Variants in PTRH2 observed in about 807,000 individuals in gnomAD.
The protein encoded by PTRH2 is peptidyl-tRNA hydrolase 2.
In PTRH2, 10 loss-of-function variants were observed where a neutral mutation model predicts 12.3. The observed-to-expected ratio is 0.81, with a 90% CI of 0.50 to 1.38. The LOEUF (loss-of-function observed/expected upper bound fraction) is 1.38. Among genes scored for constraint, PTRH2 ranks in the 40% most tolerant of loss-of-function variants. The probability of loss-of-function intolerance (pLI) is 0.00; values close to 1 mark genes in which losing one functional copy is unlikely to be tolerated. For missense variants in PTRH2, 176 were observed against 214.1 expected (o/e 0.82, Z 1.11); for synonymous variants, 73 against 77.4 (o/e 0.94, Z 0.30).
Position 59,697,308 on chromosome 17 carries a change from G to T in PTRH2, c.*131C>A. 9.0e-7 allele frequency: 1 copy of T among 1,116,478 alleles called. No individual in the cohort carries two copies. The highest frequency in any genetic ancestry group is 1.3e-6 in the Non-Finnish European group (1 of 798,214). The allele number at this position is 1,116,478 out of a possible 1,614,324, so 69.2% of individuals were successfully genotyped here. A position where few individuals can be genotyped will look rare whatever the true frequency, so the allele number is the denominator to read the frequency against. The stretch of plus-strand genomic sequence containing the variant: ...CCCAAGATGACAACTGCCAACCATA[G>T]AACATGGGAATAGGTTTTATTTTCA... On this transcript the variant is annotated 3_prime_UTR_variant, in exon 2 of 2. Transcript: ENST00000393038.
intron 1 of PTRH2, among the ~76,000 whole-genome samples, chr17:59,702,567 A>G (rs753301389): frequency 6.6e-6 from 1 of 152,210 alleles, no homozygotes; most frequent in Non-Finnish European, 1.5e-5. Context: ...TCTAAAAGAT[A>G]CCTGAGCCTT....
At chr17:59,705,815 T>C (rs894617171) in intron 1 of PTRH2, among the ~76,000 whole-genome samples, 3 of 150,566 alleles carry the variant, frequency 2.0e-5, no homozygotes, top group African/African-American at 2.5e-5. Flanking sequence ...GGGGATAAGG[T>C]AGGAGGACAC....
At chr17:59,705,553 G>A (rs905931638) in intron 1 of PTRH2, among the ~76,000 whole-genome samples, 2 of 152,068 alleles carry the variant, frequency 1.3e-5, no homozygotes, top group East Asian at 1.9e-4. Context: ...CCAAGTAGAT[G>A]GGACTACAGG....
At chr17:59,706,252 A>G (rs1268931747) in intron 1 of PTRH2, among the ~76,000 whole-genome samples, 2 of 152,144 alleles carry the variant, frequency 1.3e-5, no homozygotes, top group Non-Finnish European at 2.9e-5. Flanking sequence ...ATCCTATAAA[A>G]TCTTCTTCTT....
intron 1 of PTRH2, chr17:59,699,000 T>TA: frequency 1.5e-6 from 1 of 666,056 alleles, no homozygotes; most frequent in Non-Finnish European, 2.8e-6. Flanking sequence ...ACATCGAGAA[T>TA]AGGTGGTAGA....
intron 1 of PTRH2, among the ~76,000 whole-genome samples, chr17:59,705,514 G>T (rs1386966806): frequency 6.6e-6 from 1 of 151,934 alleles, no homozygotes; most frequent in Non-Finnish European, 1.5e-5. Context: ...CAAACTCCTG[G>T]GCTTAAGCAA....
At chr17:59,698,895 C>T (rs1405151091) in intron 1 of PTRH2, 2 of 716,088 alleles carry the variant, frequency 2.8e-6, no homozygotes, top group Non-Finnish European at 5.2e-6. Context: ...GCTGAAAGCA[C>T]AGTGGTCCTG....
At position 59,706,137 on chromosome 17, in the gene PTRH2, G is replaced by A. The variant is rs569334568; in HGVS notation, c.-1+1234C>T. Among the ~76,000 whole-genome samples, 15 of 152,138 alleles carry A rather than the reference G, an allele frequency of 9.9e-5. No homozygotes were observed. In the East Asian group the frequency reaches 1.7e-3, roughly 18 times the overall value. ...TCTGTCTCTTTTTCTGTACACTTAC[G>A]ACAAGCGTATCAATAAGCCTAGTGC... On this transcript the variant is annotated intron_variant, in intron 1 of 1. Transcript: ENST00000393038.
At position 59,706,947 on chromosome 17, in the gene PTRH2, A is replaced by G. The variant is rs371446691; in HGVS notation, c.-1+424T>C. On this transcript the variant is annotated intron_variant, in intron 1 of 1. Coordinates refer to ENST00000393038, the MANE Select transcript of PTRH2 (RefSeq NM_016077.5). ...ATCAGCCTCCCAAAGTGCTGGGATT[A>G]CAGGCGTCAGCCACCGCGCCCGGCC... 7.2e-5 allele frequency among the ~76,000 whole-genome samples: 11 copies of G among 152,208 alleles called. No individual in the cohort carries two copies. In the South Asian group the frequency reaches 1.9e-3, roughly 26 times the overall value.
intron 1 of PTRH2, chr17:59,700,094 TAC>T (rs1292122032): frequency 2.0e-5 from 3 of 152,226 alleles, no homozygotes; most frequent in Admixed American, 1.3e-4. Context: ...AAACTCGAAG[TAC>T]AGTTTCTACT....
chr17:59,700,227 T>C (rs1172633054), intron 1 of PTRH2: 2 of 152,238 alleles, frequency 1.3e-5, no homozygotes, highest in Non-Finnish European at 2.9e-5. Flanking sequence ...TTTATTATTT[T>C]AGAAAATCTT....
At chr17:59,705,903 T>C (rs1393015689) in intron 1 of PTRH2, among the ~76,000 whole-genome samples, 1 of 147,616 alleles carries the variant, frequency 6.8e-6, no homozygotes, top group Non-Finnish European at 1.5e-5. Context: ...TGCAAAACCC[T>C]GTCTCCAAAA....
At chr17:59,701,833 C>A (rs1347032776) in intron 1 of PTRH2, among the ~76,000 whole-genome samples, 1 of 151,606 alleles carries the variant, frequency 6.6e-6, no homozygotes, top group Non-Finnish European at 1.5e-5. Context: ...AGCCTCCCTA[C>A]AGGCACCCAC....
chr17:59,697,405 G>C lies in PTRH2; in HGVS notation c.*34C>G, dbSNP rs769411971. 3.2e-6 allele frequency: 5 copies of C among 1,564,586 alleles called. No individual in the cohort carries two copies. In the East Asian group the frequency reaches 1.1e-4, roughly 35 times the overall value. On this transcript the variant is annotated 3_prime_UTR_variant, in exon 2 of 2. Coordinates refer to ENST00000393038, the MANE Select transcript of PTRH2 (RefSeq NM_016077.5). ...AGAATCTGACAGGCTTCAAACACTT[G>C]TGATGGAGGGGTTGTTGTCATATCA... is the stretch of plus-strand genomic sequence containing the variant.
intron 1 of PTRH2, among the ~76,000 whole-genome samples, chr17:59,703,836 T>C (rs1286453639): frequency 8.2e-6 from 1 of 121,540 alleles, no homozygotes; most frequent in African/African-American, 3.2e-5. Flanking sequence ...GGAGACGGAG[T>C]CTCACTCTAT....
chr17:59,703,112 T>G (rs1179050203), intron 1 of PTRH2, among the ~76,000 whole-genome samples: 3 of 152,034 alleles, frequency 2.0e-5, no homozygotes, highest in Admixed American at 6.5e-5. Context: ...ACTCCTGAGC[T>G]CAAGCAATCC....
Position 59,697,453 on chromosome 17 carries a change from G to C in PTRH2, c.526C>G (p.Leu176Val). The change falls in exon 2 of 2, where the codon CTA becomes GTA. Residue 176 changes from leucine to valine, a missense_variant. Transcript: ENST00000393038. ...TCAAAGTCCACCTAGTAAAGTTTTA[G>C]GTGACCAGTGACTTTGTCAATTAGG... ...ADLIDKVTGHLKLY is the reference protein window; with the variant it reads ...ADLIDKVTGHVKLY 1 of 1,610,004 alleles carries C rather than the reference G, an allele frequency of 6.2e-7. No homozygotes were observed. The highest frequency in any genetic ancestry group is 8.5e-7 in the Non-Finnish European group (1 of 1,176,742).
intron 1 of PTRH2, among the ~76,000 whole-genome samples, chr17:59,706,760 G>A (rs1438535753): frequency 6.7e-6 from 1 of 149,492 alleles, no homozygotes; most frequent in Non-Finnish European, 1.5e-5. Context: ...TGCAACCTCC[G>A]CCTCCCGAGT....
In PTRH2 at chr17:59,697,854, T is replaced by C; in HGVS notation, c.125A>G (p.Lys42Arg). 6.2e-7 allele frequency: 1 copy of C among 1,614,180 alleles called. No individual in the cohort carries two copies. The highest frequency in any genetic ancestry group is 2.2e-5 in the East Asian group (1 of 44,880). ...TGTGTGTGTCTTGCTCGTCTTGCTT[T>C]TGGGGAGCATCCCAAAGCATACTCG... is the stretch of plus-strand genomic sequence containing the variant. ...SLRVCFGMLP[K>R]SKTSKTHTDT... The change falls in exon 2 of 2, where the codon AAA becomes AGA. Residue 42 changes from lysine (K) to arginine (R), a missense_variant. Lys to Arg is a conservative substitution (Grantham distance 26, BLOSUM62 2). Coordinates refer to ENST00000393038, the MANE Select transcript of PTRH2 (RefSeq NM_016077.5).
Sources: allele counts gnomAD v4.1 joint callset (sites outside exome capture counted in the v4.1 genomes callset), GRCh38; gene constraint gnomAD v4.1.1; transcripts MANE v1.5; gene names NCBI Gene and HGNC (gene_info 2026-07-23, HGNC 2026-07-21).